Variants in KCNC4 observed in about 807,000 individuals in gnomAD.
KCNC4 encodes the protein voltage-gated potassium channel KCNC4.
In KCNC4, 23 loss-of-function variants were observed where a neutral mutation model predicts 42.8. The observed-to-expected ratio is 0.54, with a 90% CI of 0.39 to 0.76. The LOEUF (loss-of-function observed/expected upper bound fraction) is 0.76. Among genes scored for constraint, KCNC4 ranks in the 30% least tolerant of loss-of-function variants. The pLI, the probability that KCNC4 is intolerant of heterozygous loss-of-function variation, is 0.00. For synonymous variants in KCNC4, 422 were observed against 393.5 expected (o/e 1.07, Z -0.86); for missense variants, 751 against 898.2 (o/e 0.84, Z 2.10).
intron 1 of KCNC4, among the ~76,000 whole-genome samples, chr1:110,254,235 C>T (rs2101069452): frequency 6.6e-6 from 1 of 152,290 alleles, no homozygotes; most frequent in Non-Finnish European, 1.5e-5. Context: ...AAACCATTCC[C>T]ATTCTCAGCT....
intron 1 of KCNC4, among the ~76,000 whole-genome samples, chr1:110,276,099 T>C (rs1279534247): frequency 6.6e-6 from 1 of 151,942 alleles, no homozygotes. Flanking sequence ...AAATAATGTG[T>C]ACAGCTGGAC....
At chr1:110,258,430 G>A (rs569389204) in intron 1 of KCNC4, among the ~76,000 whole-genome samples, 1 of 152,204 alleles carries the variant, frequency 6.6e-6, no homozygotes, top group South Asian at 2.1e-4. Flanking sequence ...TAGAGACGAG[G>A]TTTCACCACA....
Position 110,226,019 on chromosome 1 carries a change from G to A in KCNC4, c.1660G>A (p.Glu554Lys), listed in dbSNP as rs780133268. ...TGCCAACGCAGTGCTGTCTGATGAG[G>A]AGGGAGCTGGCCTCACCCAACCCCT... ...GDANAVLSDE[E>K]GAGLTQPLAS... is the part of the protein sequence containing the mutation. Residue 554 changes from glutamate (E) to lysine (K), a missense_variant, in exon 3 of 4, where the codon GAG (glutamate) becomes AAG (lysine). Physicochemically the swap from Glu to Lys is moderately conservative, Grantham distance 56. Around this residue, in one of 4 missense-constraint regions of KCNC4, gnomAD observed 202 missense variants for 181.5 expected, o/e 1.11. Transcript: ENST00000438661. 6.2e-7 allele frequency: 1 copy of A among 1,612,644 alleles called. No individual in the cohort carries two copies. Among genetic ancestry groups the A allele is most frequent in the South Asian group, 1.1e-5 (1 of 90,950 alleles).
At chr1:110,227,568 TC>T (rs2101028999) in intron 3 of KCNC4, among the ~76,000 whole-genome samples, 1 of 152,322 alleles carries the variant, frequency 6.6e-6, no homozygotes, top group South Asian at 2.1e-4. Flanking sequence ...CCGTGTCCTA[TC>T]CTTGGGCCTG....
rs985085514 is a variant in KCNC4 at position 110,232,447 on chromosome 1, G to C, written c.1820-464G>C. On this transcript the variant is annotated intron_variant, in intron 3 of 3. Coordinates refer to ENST00000438661, the MANE Select transcript of KCNC4 (RefSeq NM_001039574.3). ...GCTCAAGTTGGTCAGGCAACAGCTG[G>C]GGTGATGGCCTGTGAGCCACAGGCC... 373 of 1,476,262 alleles carry C rather than the reference G, an allele frequency of 2.5e-4. 1 individual carries two copies. The Middle Eastern group carries it at 3.9e-3, about 15-fold the overall frequency. 91.4% of individuals were successfully genotyped at this position (1,476,262 alleles called of 1,614,324 possible).
Position 110,211,524 on chromosome 1 carries a change from T to G in KCNC4, c.25T>G (p.Ser9Ala). MISSVCVS[S>A]YRGRKSGNKP... ...TATGATCAGCTCGGTGTGTGTCTCC[T>G]CCTACCGCGGGCGCAAGTCGGGGAA... The change falls in exon 1 of 4, where the codon TCC becomes GCC. Residue 9 changes from serine to alanine, a missense_variant. By Grantham distance (99) the Ser-to-Ala change is moderately conservative (BLOSUM62 1). This residue lies in a region of KCNC4 where 183 missense variants were observed against 255.8 expected (regional missense o/e 0.72). Coordinates refer to ENST00000438661, the MANE Select transcript of KCNC4 (RefSeq NM_001039574.3). This position sits in a 1 kb window ranked among gnomAD's most constrained non-coding sequence, Gnocchi z 6.5. 1.2e-6 allele frequency: 2 copies of G among 1,613,936 alleles called. No homozygotes were observed. The highest frequency in any genetic ancestry group is 8.5e-7 in the Non-Finnish European group (1 of 1,179,966).
At chr1:110,256,139 T>C (rs1429811168) in intron 1 of KCNC4, among the ~76,000 whole-genome samples, 1 of 152,202 alleles carries the variant, frequency 6.6e-6, no homozygotes, top group Non-Finnish European at 1.5e-5. Context: ...CTTGCTATCA[T>C]CTGGGGAAGC....
chr1:110,214,046 C>T (rs1454161491), intron 1 of KCNC4, among the ~76,000 whole-genome samples: 1 of 152,162 alleles, frequency 6.6e-6, no homozygotes, highest in African/African-American at 2.4e-5. Flanking sequence ...TTATTTTCTT[C>T]CTAACTCACT....
intron 1 of KCNC4, among the ~76,000 whole-genome samples, chr1:110,255,780 A>G (rs1009774546): frequency 6.6e-6 from 1 of 152,226 alleles, no homozygotes; most frequent in African/African-American, 2.4e-5. Context: ...ACGATGGCAG[A>G]GGTCCCTGGC....
Position 110,233,350 on chromosome 1 carries a change from T to C in KCNC4, c.*378T>C, listed in dbSNP as rs966649208. 7 of 306,742 alleles carry C rather than the reference T, an allele frequency of 2.3e-5. No individual in the cohort carries two copies. Among genetic ancestry groups the C allele is most frequent in the Non-Finnish European group, 4.3e-5 (7 of 163,450 alleles). 19.0% of individuals were successfully genotyped at this position (306,742 alleles called of 1,614,324 possible). A position where few individuals can be genotyped will look rare whatever the true frequency, so the allele number is the denominator to read the frequency against. On this transcript the variant is annotated 3_prime_UTR_variant, in exon 4 of 4. Coordinates refer to ENST00000438661, the MANE Select transcript of KCNC4 (RefSeq NM_001039574.3). ...GTTTCTGCTGACTGTGTGGGTGGAA[T>C]GTCCCAAGAAAAGTGCATCTGGGAA...
chr1:110,234,847 C>T (rs1658869001), downstream of KCNC4: 1 of 152,204 alleles, frequency 6.6e-6, no homozygotes, highest in Admixed American at 6.5e-5. Flanking sequence ...CCATAGGGGC[C>T]TCAATTCAAA....
chr1:110,270,733 G>T (rs1207632353), intron 1 of KCNC4, among the ~76,000 whole-genome samples: 1 of 152,204 alleles, frequency 6.6e-6, no homozygotes, highest in African/African-American at 2.4e-5. Flanking sequence ...CCTCCAAAGT[G>T]GGCCTGGCTC....
chr1:110,241,899 C>T (rs1659041448), exon 4 of KCNC4: 1 of 152,178 alleles, frequency 6.6e-6, no homozygotes, highest in African/African-American at 2.4e-5. Flanking sequence ...AATGTTTTTA[C>T]CTCCAGCCCC....
At chr1:110,267,311 G>C (rs1466435605) in intron 1 of KCNC4, among the ~76,000 whole-genome samples, 2 of 152,294 alleles carry the variant, frequency 1.3e-5, no homozygotes, top group South Asian at 2.1e-4. Context: ...TGCAGTTGCT[G>C]TCTAGGGGTT....
chr1:110,225,887 A>G lies in KCNC4; in HGVS notation c.1616-88A>G, dbSNP rs1571044442. The G allele has an allele frequency of 2.4e-6, 3 of 1,263,536 alleles. No homozygotes were observed. The East Asian group carries it at 7.0e-5, about 30-fold the overall frequency. 78.3% of individuals were successfully genotyped at this position (1,263,536 alleles called of 1,614,324 possible). On this transcript the variant is annotated intron_variant, in intron 2 of 3. Transcript: ENST00000438661. ...GGCCCCTCCCAAGGTTGAGGAAGTAACACTCTGGGTCTGGGAGACCCCAGA... is the reference window on the plus strand; with the variant it reads ...GGCCCCTCCCAAGGTTGAGGAAGTAGCACTCTGGGTCTGGGAGACCCCAGA...
At chr1:110,214,516 A>G (rs935269389) in intron 1 of KCNC4, among the ~76,000 whole-genome samples, 25 of 152,226 alleles carry the variant, frequency 1.6e-4, no homozygotes, top group African/African-American at 6.0e-4. Context: ...CCAGACAGAT[A>G]CATTGCTGTA....
At chr1:110,215,902 C>T (rs1657769900) in intron 1 of KCNC4, among the ~76,000 whole-genome samples, 1 of 152,216 alleles carries the variant, frequency 6.6e-6, no homozygotes, top group Admixed American at 6.5e-5. Flanking sequence ...CTGGCTCCTG[C>T]CCAGAGAGGA....
At chr1:110,226,255 G>T in intron 3 of KCNC4, 77 bp downstream of exon 3, 8 of 1,282,354 alleles carry the variant, frequency 6.2e-6, no homozygotes, top group Non-Finnish European at 9.0e-6. Context: ...AGAGCCTGAG[G>T]TCCCCCCCTC....
intron 1 of KCNC4, among the ~76,000 whole-genome samples, chr1:110,259,790 A>C (rs547775265): frequency 3.9e-5 from 6 of 152,332 alleles, no homozygotes; most frequent in African/African-American, 1.4e-4. Context: ...ACATGACACA[A>C]ATAAAAGCCT....
Sources: gnomAD v4.1 joint callset for allele counts (sites outside exome capture counted in the v4.1 genomes callset) on GRCh38, gnomAD v4.1.1 for gene constraint, gnomAD v4.1.1 regional missense constraint, Gnocchi (gnomAD v3.1) non-coding constraint, MANE v1.5 for transcripts, NCBI Gene and HGNC (gene_info 2026-07-23, HGNC 2026-07-21) for gene names.